Variants in C2orf78 observed in about 807,000 individuals in gnomAD.
C2orf78 encodes the protein chromosome 2 open reading frame 78.
C2orf78 carries 12 observed loss-of-function variants against 21.4 expected under a neutral mutation model. That is an observed-to-expected ratio of 0.56 (90% CI 0.36 to 0.91). The LOEUF (loss-of-function observed/expected upper bound fraction) is 0.91, where lower values mean the gene tolerates loss of function less well. C2orf78 is among the 40% of genes least tolerant of loss of function. The probability of loss-of-function intolerance (pLI) is 0.01; values close to 1 mark genes in which losing one functional copy is unlikely to be tolerated. For synonymous variants in C2orf78, 396 were observed against 413.9 expected (o/e 0.96, Z 0.52); for missense variants, 1,042 against 1,092.4 (o/e 0.95, Z 0.65).
exon 3 of C2orf78, chr2:73,815,384 A>G (rs755569357): frequency 6.2e-7 from 1 of 1,613,840 alleles, no homozygotes; most frequent in Non-Finnish European, 8.5e-7. Context: ...ATCCTCCACT[A>G]CTTCCTGTAG....
At chr2:73,809,977 G>A (rs1382429465) in intron 1 of C2orf78, among the ~76,000 whole-genome samples, 7 of 151,272 alleles carry the variant, frequency 4.6e-5, no homozygotes, top group East Asian at 3.9e-4. Context: ...GGAGAATGAC[G>A]AAATGATTTT....
intron 1 of C2orf78, among the ~76,000 whole-genome samples, chr2:73,811,000 A>T (rs562536916): frequency 6.8e-4 from 100 of 148,042 alleles, no homozygotes; most frequent in African/African-American, 2.3e-3. Flanking sequence ...TTTAGAAATG[A>T]TGCCTCCAGG....
At chr2:73,808,713 C>T in intron 1 of C2orf78, 1 of 1,513,990 alleles carries the variant, frequency 6.6e-7, no homozygotes. Context: ...CTGGTAGAAT[C>T]TTGGGGTTTC....
Position 73,813,920 on chromosome 2 carries a change from C to T in C2orf78, c.541C>T (p.Leu181=), listed in dbSNP as rs1237589130. 7 of 1,614,064 alleles carry T rather than the reference C, an allele frequency of 4.3e-6. No individual in the cohort carries two copies. In the South Asian group the frequency reaches 6.6e-5, roughly 15 times the overall value. ...TACTATGGTCCCTCTGTATCCATCA[C>T]TATCTGCCAGCCTTGTTCAGGGGAC... The change falls in exon 2 of 3, where the codon CTA becomes TTA. Residue 181 remains leucine (L), a synonymous_variant. Transcript: ENST00000409561.
chr2:73,792,408 C>G (rs1672943552), intron 1 of C2orf78, among the ~76,000 whole-genome samples: 1 of 131,906 alleles, frequency 7.6e-6, no homozygotes, highest in South Asian at 2.2e-4. Context: ...ATGGTGTGAA[C>G]CTGGGAGGCA....
intron 1 of C2orf78, among the ~76,000 whole-genome samples, chr2:73,809,510 C>T (rs1365521116): frequency 1.3e-5 from 2 of 151,698 alleles, no homozygotes; most frequent in African/African-American, 2.4e-5. Flanking sequence ...TTCAGTTGGG[C>T]GTGGTAGCTC....
At chr2:73,811,092 A>T (rs1470667380) in intron 1 of C2orf78, among the ~76,000 whole-genome samples, 2 of 151,254 alleles carry the variant, frequency 1.3e-5, no homozygotes, top group African/African-American at 2.4e-5. Context: ...GGAGTTCGAG[A>T]TCAGCCTGGC....
At chr2:73,811,148 G>A (rs1489548342) in intron 1 of C2orf78, among the ~76,000 whole-genome samples, 1 of 151,478 alleles carries the variant, frequency 6.6e-6, no homozygotes, top group Non-Finnish European at 1.5e-5. Flanking sequence ...AAAATTAGCT[G>A]GGTGTGGTGA....
chr2:73,812,253 AG>A (rs1291158294), intron 1 of C2orf78, among the ~76,000 whole-genome samples: 1 of 152,194 alleles, frequency 6.6e-6, no homozygotes, highest in Non-Finnish European at 1.5e-5. Context: ...AGCTTTAGTT[AG>A]TACTTTACTA....
At chr2:73,785,998 A>G (rs1232023698) in intron 1 of C2orf78, among the ~76,000 whole-genome samples, 2 of 151,952 alleles carry the variant, frequency 1.3e-5, no homozygotes, top group Admixed American at 1.3e-4. Flanking sequence ...GTGAGCCAAG[A>G]TCGCGCCATT....
chr2:73,814,547 C>G (rs951638662), intron 2 of C2orf78, among the ~76,000 whole-genome samples: 2 of 152,206 alleles, frequency 1.3e-5, no homozygotes, highest in Non-Finnish European at 2.9e-5. Context: ...TTACTTTAGT[C>G]TCTTTGGAAG....
intron 2 of C2orf78, among the ~76,000 whole-genome samples, chr2:73,814,853 A>G (rs996608857): frequency 2.0e-5 from 3 of 152,248 alleles, no homozygotes; most frequent in African/African-American, 7.2e-5. Flanking sequence ...CAACAACCCT[A>G]TGAAATACAA....
intron 1 of C2orf78, among the ~76,000 whole-genome samples, chr2:73,809,629 T>C (rs1406343226): frequency 6.6e-6 from 1 of 151,978 alleles, no homozygotes; most frequent in Non-Finnish European, 1.5e-5. Flanking sequence ...CTACAAAAAC[T>C]TTTTAAAACT....
intron 1 of C2orf78, among the ~76,000 whole-genome samples, chr2:73,811,682 C>T (rs1014194627): frequency 2.6e-5 from 4 of 151,962 alleles, no homozygotes; most frequent in Admixed American, 2.6e-4. Flanking sequence ...TTCCTACATT[C>T]AAAACATTTT....
chr2:73,813,115 G>C (rs1369409375), intron 1 of C2orf78, among the ~76,000 whole-genome samples: 2 of 152,246 alleles, frequency 1.3e-5, no homozygotes, highest in East Asian at 3.9e-4. Flanking sequence ...ACTTCTCTAA[G>C]GACCTCCTAG....
intron 1 of C2orf78, among the ~76,000 whole-genome samples, chr2:73,786,310 C>T (rs1158540143): frequency 8.6e-5 from 13 of 151,146 alleles, no homozygotes; most frequent in Admixed American, 2.6e-4. Context: ...ACCAGGGAGG[C>T]GCATGATGCA....
intron 1 of C2orf78, among the ~76,000 whole-genome samples, chr2:73,807,925 A>C (rs1353506880): frequency 6.6e-6 from 1 of 150,910 alleles, no homozygotes; most frequent in East Asian, 1.9e-4. Context: ...TTCAAGTTAC[A>C]AAAGAGGGTT....
chr2:73,785,754 T>C (rs1672913057), intron 1 of C2orf78, among the ~76,000 whole-genome samples: 2 of 152,006 alleles, frequency 1.3e-5, no homozygotes, highest in Non-Finnish European at 1.5e-5. Flanking sequence ...ATTTTGGAAA[T>C]ATGTTTTAGA....
chr2:73,813,201 A>C lies in C2orf78; in HGVS notation c.98-276A>C, dbSNP rs371685597. Among the ~76,000 whole-genome samples the C allele has an allele frequency of 9.6e-4, 146 of 152,300 alleles. 1 individual carries two copies. The highest frequency in any genetic ancestry group is 4.6e-4 in the Admixed American group (7 of 15,300). On this transcript the variant is annotated intron_variant, in intron 1 of 2. Coordinates refer to ENST00000409561, the Ensembl canonical transcript of C2orf78. ...GATTCAAGGGAAAGATAGGGAAGGG[A>C]GAAGGTTGCTTCTAGCCTAGGAAAT...
Sources: allele counts gnomAD v4.1 joint callset (sites outside exome capture counted in the v4.1 genomes callset), GRCh38; gene constraint gnomAD v4.1.1; transcripts MANE v1.5; gene names NCBI Gene and HGNC (gene_info 2026-07-23, HGNC 2026-07-21).